The following EYS variants were observed in gnomAD, a reference collection of about 807,000 sequenced individuals.
The protein encoded by EYS is EGF-like photoreceptor maintenance factor.
Under a neutral mutation model 282.1 loss-of-function variants are expected in EYS, and 250 were observed. The ratio of observed to expected loss-of-function variants is 0.89; its 90% CI spans 0.80 to 0.98. The LOEUF is 0.98. Ranked by LOEUF, EYS falls within the 50% of genes least tolerant of loss-of-function variation. EYS has a pLI of 0.00. For synonymous variants in EYS, 1,355 were observed against 1,282.9 expected (o/e 1.06, Z -1.20); for missense variants, 4,016 against 3,709.0 (o/e 1.08, Z -2.15).
chr6:63,921,715 T>C (rs1764578285), intron 35 of EYS, among the ~76,000 whole-genome samples: 1 of 152,224 alleles, frequency 6.6e-6, no homozygotes, highest in African/African-American at 2.4e-5. Flanking sequence ...AGAGCATTTT[T>C]GAAATCAATA....
chr6:63,848,861 G>A lies in EYS; in HGVS notation c.7228+15325C>T, dbSNP rs531699488. On this transcript the variant is annotated intron_variant, in intron 36 of 42. Coordinates refer to ENST00000503581, the MANE Select transcript of EYS (RefSeq NM_001142800.2). ...TGTTCACTCCTCTGGAAAGGGGGCT[G>A]AAGCCAGGCAGCCAAGTGGTCTTGC... Among the ~76,000 whole-genome samples, 4 of 152,306 alleles carry A rather than the reference G, an allele frequency of 2.6e-5. No individual in the cohort carries two copies. The South Asian group carries it at 8.3e-4, about 32-fold the overall frequency.
chr6:65,460,805 C>T (rs1222690069), intron 5 of EYS, among the ~76,000 whole-genome samples: 1 of 152,006 alleles, frequency 6.6e-6, no homozygotes, highest in East Asian at 1.9e-4. Flanking sequence ...ACACTGACTG[C>T]TTCACACTAT....
chr6:64,048,371 G>C (rs35627819), intron 33 of EYS, among the ~76,000 whole-genome samples: 1 of 151,846 alleles, frequency 6.6e-6, no homozygotes, highest in African/African-American at 2.4e-5. Context: ...AGTTGTTTCC[G>C]TTGTGACTTT....
chr6:64,184,502 C>T (rs1764878154), intron 31 of EYS, among the ~76,000 whole-genome samples: 1 of 151,956 alleles, frequency 6.6e-6, no homozygotes, highest in Non-Finnish European at 1.5e-5. Context: ...TCCATAAAGC[C>T]ACTTCGCTTT....
chr6:64,030,899 C>A (rs940569981), intron 33 of EYS, among the ~76,000 whole-genome samples: 7 of 152,248 alleles, frequency 4.6e-5, no homozygotes, highest in Admixed American at 1.3e-4. Context: ...AACTGCAGGG[C>A]CCCTTCATCG....
At chr6:64,726,655 C>A (rs535180030) in intron 22 of EYS, among the ~76,000 whole-genome samples, 1 of 152,154 alleles carries the variant, frequency 6.6e-6, no homozygotes, top group African/African-American at 2.4e-5. Context: ...CCAGAAAAGT[C>A]TTTTTGTAGA....
At chr6:63,937,462 T>G (rs1026170933) in intron 35 of EYS, among the ~76,000 whole-genome samples, 19 of 138,806 alleles carry the variant, frequency 1.4e-4, no homozygotes, top group Non-Finnish European at 2.8e-4. Flanking sequence ...CTCACTACAA[T>G]CTCCGCCTCC....
At chr6:65,261,603 T>C (rs1199312035) in intron 12 of EYS, among the ~76,000 whole-genome samples, 1 of 152,092 alleles carries the variant, frequency 6.6e-6, no homozygotes, top group Non-Finnish European at 1.5e-5. Context: ...AGCAACTATG[T>C]ATAGATAAAA....
chr6:63,824,435 T>C (rs1435909655), intron 36 of EYS, among the ~76,000 whole-genome samples: 1 of 152,130 alleles, frequency 6.6e-6, no homozygotes, highest in Non-Finnish European at 1.5e-5. Flanking sequence ...TTACCACATA[T>C]TACAAAATAA....
intron 22 of EYS, among the ~76,000 whole-genome samples, chr6:64,802,197 C>T (rs140643016): frequency 6.6e-6 from 1 of 151,382 alleles, no homozygotes; most frequent in Non-Finnish European, 1.5e-5. Context: ...CCATGCCCGG[C>T]TAATATTTTT....
At chr6:65,296,172 T>C (rs555294981) in intron 11 of EYS, 53 bp from the exon 12 acceptor site, 48 of 1,394,860 alleles carry the variant, frequency 3.4e-5, no homozygotes, top group Non-Finnish European at 4.6e-5. Context: ...TATTTTGATA[T>C]ATTTAAGTAT....
intron 33 of EYS, among the ~76,000 whole-genome samples, chr6:64,066,044 A>G (rs748175338): frequency 6.6e-6 from 1 of 152,088 alleles, no homozygotes; most frequent in Non-Finnish European, 1.5e-5. Context: ...AGGATGAATC[A>G]TGAGGTCAGG....
chr6:64,296,556 A>G (rs867303767), intron 30 of EYS, among the ~76,000 whole-genome samples: 24 of 5,882 alleles, frequency 4.1e-3, no homozygotes, highest in Admixed American at 0.012. Flanking sequence ...ATATATATAT[A>G]TATATATATA....
chr6:65,476,640 G>A (rs1160816877), intron 5 of EYS, among the ~76,000 whole-genome samples: 2 of 151,638 alleles, frequency 1.3e-5, no homozygotes, highest in Admixed American at 6.6e-5. Context: ...GCAGTGGTGC[G>A]ATCTCAGCTC....
intron 5 of EYS, among the ~76,000 whole-genome samples, chr6:65,427,963 T>G: frequency 6.6e-6 from 1 of 152,014 alleles, no homozygotes; most frequent in African/African-American, 2.4e-5. Flanking sequence ...AAAGTACAAA[T>G]AAAGAAAATT....
intron 35 of EYS, among the ~76,000 whole-genome samples, chr6:63,983,999 A>G (rs926286049): frequency 1.3e-5 from 2 of 151,552 alleles, no homozygotes; most frequent in African/African-American, 4.8e-5. Context: ...TGAGTAAAAA[A>G]CAAATATAAA....
intron 26 of EYS, among the ~76,000 whole-genome samples, chr6:64,556,798 A>T (rs548438181): frequency 2.6e-5 from 4 of 151,932 alleles, no homozygotes; most frequent in Non-Finnish European, 4.4e-5. Flanking sequence ...TTGGAGACAT[A>T]GATCTTCATA....
At chr6:63,781,642 A>G (rs1770230096) in intron 39 of EYS, among the ~76,000 whole-genome samples, 1 of 152,120 alleles carries the variant, frequency 6.6e-6, no homozygotes, top group Admixed American at 6.6e-5. Flanking sequence ...GCTTAAGGAG[A>G]TTTTGGGCTG....
At chr6:63,928,032 C>T (rs1008277318) in intron 35 of EYS, among the ~76,000 whole-genome samples, 6 of 152,206 alleles carry the variant, frequency 3.9e-5, no homozygotes, top group South Asian at 2.1e-4. Context: ...CATTGGTTTC[C>T]GATGAGCTGT....
Sources: gnomAD v4.1 joint callset for allele counts (sites outside exome capture counted in the v4.1 genomes callset) on GRCh38, gnomAD v4.1.1 for gene constraint, MANE v1.5 for transcripts, NCBI Gene and HGNC (gene_info 2026-07-23, HGNC 2026-07-21) for gene names.